Variants in ERLEC1 observed in about 807,000 individuals in gnomAD.
ERLEC1 encodes the protein endoplasmic reticulum lectin 1.
Under a neutral mutation model 68.0 loss-of-function variants are expected in ERLEC1, and 47 were observed. That is an observed-to-expected ratio of 0.69 (90% CI 0.55 to 0.88). ERLEC1 has a LOEUF of 0.88. Among genes scored for constraint, ERLEC1 ranks in the 40% least tolerant of loss-of-function variants. The pLI, the probability that ERLEC1 is intolerant of heterozygous loss-of-function variation, is 0.00. For synonymous variants in ERLEC1, 225 were observed against 203.2 expected (o/e 1.11, Z -0.91); for missense variants, 567 against 583.8 (o/e 0.97, Z 0.30).
At chr2:53,807,885 C>T (rs976007864) in intron 8 of ERLEC1, among the ~76,000 whole-genome samples, 1 of 151,706 alleles carries the variant, frequency 6.6e-6, no homozygotes, top group Non-Finnish European at 1.5e-5. Context: ...AAATGCCAGG[C>T]GTGGTGGCAG....
At chr2:53,787,570 A>AT in intron 1 of ERLEC1, 198 bp downstream of exon 1, 1 of 523,502 alleles carries the variant, frequency 1.9e-6, no homozygotes. Flanking sequence ...CTTGCTGAGC[A>AT]TTAGGGATCC....
chr2:53,813,036 G>C lies in ERLEC1; in HGVS notation c.1189G>C (p.Ala397Pro). 1 of 1,613,116 alleles carries C rather than the reference G, an allele frequency of 6.2e-7. No homozygotes were observed. Among genetic ancestry groups the C allele is most frequent in the Non-Finnish European group, 8.5e-7 (1 of 1,179,832 alleles). Residue 397 changes from alanine (A) to proline (P), a missense_variant, in exon 11 of 14, where the codon GCT (alanine) becomes CCT (proline). Coordinates refer to ENST00000185150, the MANE Select transcript of ERLEC1 (RefSeq NM_015701.5). ...IEWAKKNTAR[A>P]YHLQDDGTQT... ...ATGGGCTAAGAAGAATACTGCTAGA[G>C]CTTATCATCTTCAAGACGATGGTAC...
intron 10 of ERLEC1, among the ~76,000 whole-genome samples, chr2:53,811,103 G>C (rs985453220): frequency 2.0e-5 from 3 of 152,128 alleles, no homozygotes; most frequent in African/African-American, 7.2e-5. Flanking sequence ...ATCATGCACT[G>C]CTCTGCCACT....
At chr2:53,797,984 C>T (rs895148305) in intron 5 of ERLEC1, among the ~76,000 whole-genome samples, 189 bp downstream of exon 5, 1 of 152,032 alleles carries the variant, frequency 6.6e-6, no homozygotes, top group African/African-American at 2.4e-5. Flanking sequence ...ATCACAAGGT[C>T]GGGAGATTGA....
intron 13 of ERLEC1, among the ~76,000 whole-genome samples, chr2:53,816,152 C>T (rs1676868728): frequency 6.6e-6 from 1 of 152,098 alleles, no homozygotes; most frequent in Admixed American, 6.6e-5. Flanking sequence ...GCAATCTTGG[C>T]TCACTGCAGC....
chr2:53,801,669 A>T, intron 7 of ERLEC1, 44 bp from the exon 8 acceptor site: 2 of 1,613,380 alleles, frequency 1.2e-6, no homozygotes, highest in Non-Finnish European at 1.7e-6. Context: ...ACATGCTTTA[A>T]AGTGTTCTGT....
Position 53,801,539 on chromosome 2 carries a change from T to G in ERLEC1, c.668T>G (p.Ile223Ser). 1 of 1,614,158 alleles carries G rather than the reference T, an allele frequency of 6.2e-7. No individual in the cohort carries two copies. Residue 223 changes from isoleucine (I) to serine (S), a missense_variant, in exon 7 of 14, where the codon ATT becomes AGT. Ile to Ser is a moderately radical substitution (Grantham distance 142, BLOSUM62 -2). Coordinates refer to ENST00000185150, the MANE Select transcript of ERLEC1 (RefSeq NM_015701.5). ...YICHPESKHE[I>S]LSVAEVTTCE... is the part of the protein sequence containing the mutation. ...TGTCATCCTGAATCTAAGCATGAAATTCTTTCAGTAGCTGAAGTTACAACT... is the reference window on the plus strand; with the variant it reads ...TGTCATCCTGAATCTAAGCATGAAAGTCTTTCAGTAGCTGAAGTTACAACT...
chr2:53,787,422 G>A lies in ERLEC1; in HGVS notation c.162+50G>A, dbSNP rs1196781353. On this transcript the variant is annotated intron_variant, in intron 1 of 13. Coordinates refer to ENST00000185150, the MANE Select transcript of ERLEC1 (RefSeq NM_015701.5). Reference sequence around the variant, plus strand: ...GCCACCCCTCCTCCTGACACTAAGGGTTCGGCCTCTTCCCTCGGTTTTCTT... The same window carrying A: ...GCCACCCCTCCTCCTGACACTAAGGATTCGGCCTCTTCCCTCGGTTTTCTT... 3 of 1,550,296 alleles carry A rather than the reference G, an allele frequency of 1.9e-6. No homozygotes were observed. The Admixed American group carries it at 5.7e-5, about 29-fold the overall frequency.
At chr2:53,807,953 A>C (rs746285748) in intron 8 of ERLEC1, among the ~76,000 whole-genome samples, 1 of 152,076 alleles carries the variant, frequency 6.6e-6, no homozygotes, top group African/African-American at 2.4e-5. Flanking sequence ...TTAACCCAGG[A>C]AGCGGAGGTT....
chr2:53,797,914 A>G (rs1397610680), intron 5 of ERLEC1, 119 bp downstream of exon 5: 1 of 932,002 alleles, frequency 1.1e-6, no homozygotes, highest in Non-Finnish European at 1.7e-6. Context: ...ATACTGAAAT[A>G]GGCTGGGCGC....
chr2:53,791,906 TAA>T (rs569591198), intron 1 of ERLEC1, among the ~76,000 whole-genome samples: 6,747 of 117,644 alleles, frequency 0.057, 443 homozygotes, highest in African/African-American at 0.17. Flanking sequence ...AATGCTCTTT[TAA>T]AAAAAAAAAA....
At chr2:53,815,008 T>TC in intron 13 of ERLEC1, 73 bp downstream of exon 13, 1 of 1,008,148 alleles carries the variant, frequency 9.9e-7, no homozygotes, top group East Asian at 2.8e-5. Flanking sequence ...TTTTTTTTTT[T>TC]TTTTTTTTGT....
At chr2:53,787,838 G>A (rs918949478) in intron 1 of ERLEC1, among the ~76,000 whole-genome samples, 13 of 152,162 alleles carry the variant, frequency 8.5e-5, no homozygotes, top group African/African-American at 3.1e-4. Flanking sequence ...ATACACACAC[G>A]GACATACGCA....
At chr2:53,801,346 T>C (rs750361332) in intron 6 of ERLEC1, 51 bp from the exon 7 acceptor site, 1 of 1,386,308 alleles carries the variant, frequency 7.2e-7, no homozygotes, top group Non-Finnish European at 1.0e-6. Flanking sequence ...CCACCCCCAG[T>C]CCCATCTCCA....
intron 5 of ERLEC1, 94 bp downstream of exon 5, chr2:53,797,889 T>C (rs1223346542): frequency 3.4e-6 from 4 of 1,165,346 alleles, no homozygotes; most frequent in Non-Finnish European, 5.1e-6. Context: ...TTTTGGACAT[T>C]GTGTGAATTT....
At chr2:53,797,195 G>A (rs1675759532) in intron 3 of ERLEC1, among the ~76,000 whole-genome samples, 1 of 152,040 alleles carries the variant, frequency 6.6e-6, no homozygotes, top group South Asian at 2.1e-4. Context: ...ACACCCGGCC[G>A]AGTATATAAT....
intron 11 of ERLEC1, among the ~76,000 whole-genome samples, chr2:53,814,158 T>A (rs1449883872): frequency 6.6e-6 from 1 of 152,180 alleles, no homozygotes; most frequent in Non-Finnish European, 1.5e-5. Flanking sequence ...CGAACAGTAT[T>A]TTAATGGGAG....
intron 5 of ERLEC1, among the ~76,000 whole-genome samples, chr2:53,798,794 A>G (rs1041993642): frequency 6.6e-6 from 1 of 152,012 alleles, no homozygotes; most frequent in Non-Finnish European, 1.5e-5. Flanking sequence ...TGAGATAAAA[A>G]TACCTCGAAA....
At chr2:53,817,794 A>C in intron 13 of ERLEC1, 104 bp from the exon 14 acceptor site, 2 of 682,090 alleles carry the variant, frequency 2.9e-6, no homozygotes, top group Non-Finnish European at 5.3e-6. Flanking sequence ...TAAAACAAGG[A>C]CTCATGCTTC....
Sources: gnomAD v4.1 joint callset for allele counts (sites outside exome capture counted in the v4.1 genomes callset) on GRCh38, gnomAD v4.1.1 for gene constraint, MANE v1.5 for transcripts, NCBI Gene and HGNC (gene_info 2026-07-23, HGNC 2026-07-21) for gene names.